The following C12orf42 variants were observed in gnomAD, a reference collection of about 807,000 sequenced individuals.
C12orf42 encodes chromosome 12 open reading frame 42.
A neutral mutation model predicts 21.6 loss-of-function variants in C12orf42; 25 were observed. The ratio of observed to expected loss-of-function variants is 1.16; its 90% CI spans 0.84 to 1.62. The LOEUF is 1.62. Among genes scored for constraint, C12orf42 ranks in the 40% most tolerant of loss-of-function variants. C12orf42 has a pLI of 0.00. For synonymous variants in C12orf42, 174 were observed against 175.0 expected, an observed-to-expected ratio of 0.99 and a Z score of 0.05; for missense variants, 483 against 459.3, an observed-to-expected ratio of 1.05 and a Z score of -0.47.
intron 4 of C12orf42, among the ~76,000 whole-genome samples, chr12:103,365,539 G>T (rs1460855191): frequency 1.3e-5 from 2 of 151,840 alleles, no homozygotes; most frequent in Non-Finnish European, 2.9e-5. Context: ...CAAACCTGTT[G>T]CTGTTTGCTG....
chr12:103,389,170 G>C (rs1294467800), intron 3 of C12orf42, among the ~76,000 whole-genome samples: 2 of 152,194 alleles, frequency 1.3e-5, no homozygotes, highest in African/African-American at 2.4e-5. Flanking sequence ...CACCAGAGGG[G>C]CCATAGCCTT....
chr12:103,462,811 A>G (rs1952826700), intron 2 of C12orf42, among the ~76,000 whole-genome samples: 1 of 151,996 alleles, frequency 6.6e-6, no homozygotes, highest in Non-Finnish European at 1.5e-5. Context: ...TACTCATTAA[A>G]CCCTATCTGT....
chr12:103,329,813 CCTTT>C (rs1296321600), intron 4 of C12orf42, among the ~76,000 whole-genome samples: 1 of 151,742 alleles, frequency 6.6e-6, no homozygotes, highest in Non-Finnish European at 1.5e-5. Context: ...CAGCTTTCCC[CCTTT>C]CTATTGCTAC....
At chr12:103,065,475 A>G in the C12orf42 span, among the ~76,000 whole-genome samples, 4 of 152,120 alleles carry the variant, frequency 2.6e-5, no homozygotes, top group Non-Finnish European at 4.4e-5. Context: ...GGGTATATCA[A>G]CTCCCTGGCT....
chr12:103,179,038 C>T, the C12orf42 span, among the ~76,000 whole-genome samples: 1 of 152,100 alleles, frequency 6.6e-6, no homozygotes, highest in Non-Finnish European at 1.5e-5. Context: ...AAGTAATTAC[C>T]CCATGGGTGG....
At chr12:103,153,695 T>C in the C12orf42 span, among the ~76,000 whole-genome samples, 1 of 152,122 alleles carries the variant, frequency 6.6e-6, no homozygotes, top group Non-Finnish European at 1.5e-5. Context: ...GAAACTCTAA[T>C]ACACTAATGG....
At chr12:103,382,399 G>T (rs1215371946) in intron 3 of C12orf42, among the ~76,000 whole-genome samples, 1 of 152,240 alleles carries the variant, frequency 6.6e-6, no homozygotes, top group South Asian at 2.1e-4. Context: ...TAAGGCAATA[G>T]TAGCAGAAGA....
chr12:103,469,292 A>C (rs1202054128), intron 2 of C12orf42, among the ~76,000 whole-genome samples: 7 of 152,254 alleles, frequency 4.6e-5, no homozygotes, highest in African/African-American at 1.7e-4. Context: ...TGATGTGTAA[A>C]AACATACATC....
At chr12:103,177,430 C>A in the C12orf42 span, among the ~76,000 whole-genome samples, 1 of 152,214 alleles carries the variant, frequency 6.6e-6, no homozygotes, top group Non-Finnish European at 1.5e-5. Flanking sequence ...ACTGCACTAC[C>A]CTTTCTGACT....
intron 4 of C12orf42, among the ~76,000 whole-genome samples, chr12:103,324,320 T>C (rs1452135785): frequency 6.6e-6 from 1 of 152,170 alleles, no homozygotes; most frequent in Non-Finnish European, 1.5e-5. Context: ...TTATGAGTAA[T>C]TTATCACTCT....
At position 103,345,455 on chromosome 12, in the gene C12orf42, G is replaced by A. The variant is rs563066667; in HGVS notation, c.259+23432C>T. Among the ~76,000 whole-genome samples, 5 of 152,198 alleles carry A rather than the reference G, an allele frequency of 3.3e-5. No homozygotes were observed. In the East Asian group the frequency reaches 9.6e-4, roughly 29 times the overall value. On this transcript the variant is annotated intron_variant, in intron 4 of 5. Transcript: ENST00000548883. ...TCATCATTATTATCATTATTCCAGT[G>A]CCATCCATTCACAGCACTTTTACCA...
rs889146741 is a variant in C12orf42, at chr12:103,384,122, A to T, written c.148-15124T>A. Among the ~76,000 whole-genome samples, 6 of 152,242 alleles carry T rather than the reference A, an allele frequency of 3.9e-5. No individual in the cohort carries two copies. In the East Asian group the frequency reaches 5.8e-4, roughly 15 times the overall value. On this transcript the variant is annotated intron_variant, in intron 3 of 5. Transcript: ENST00000548883. ...TGATCTTCCAATGACAACTTCAAAA[A>T]TTAATTTTACAAGTACATAATTTCT...
chr12:103,068,983 A>C, the C12orf42 span, among the ~76,000 whole-genome samples: 2 of 95,498 alleles, frequency 2.1e-5, no homozygotes, highest in African/African-American at 7.9e-5. Flanking sequence ...ATATATATAT[A>C]TATATATAAT....
chr12:103,139,574 T>G, the C12orf42 span, among the ~76,000 whole-genome samples: 1,713 of 151,874 alleles, frequency 0.011, 32 homozygotes, highest in African/African-American at 0.039. Context: ...CCAAAAAAAA[T>G]TATGACGTAT....
chr12:103,081,483 T>C, the C12orf42 span: 1 of 152,168 alleles, frequency 6.6e-6, no homozygotes, highest in South Asian at 2.1e-4. Flanking sequence ...CCCATATCTT[T>C]TATTTTCTTG....
At chr12:103,400,706 T>G (rs2047918536) in intron 3 of C12orf42, among the ~76,000 whole-genome samples, 1 of 152,226 alleles carries the variant, frequency 6.6e-6, no homozygotes, top group African/African-American at 2.4e-5. Context: ...ATTTCTACTC[T>G]TGAATCGTAT....
At chr12:103,367,303 G>A (rs1381676593) in intron 4 of C12orf42, among the ~76,000 whole-genome samples, 1 of 151,916 alleles carries the variant, frequency 6.6e-6, no homozygotes, top group Non-Finnish European at 1.5e-5. Context: ...GAAATAGTAG[G>A]AAGTGGATGA....
At position 103,357,768 on chromosome 12, in the gene C12orf42, T is replaced by C. The variant is rs957289544; in HGVS notation, c.259+11119A>G. ...ATTTGCTGTAGCATTCATTTACAAA[T>C]AAGGCCAAGTAACAACGTTATTCAT... On this transcript the variant is annotated intron_variant, in intron 4 of 5. Transcript: ENST00000548883. 5.3e-5 allele frequency among the ~76,000 whole-genome samples: 8 copies of C among 152,066 alleles called. No homozygotes were observed. The East Asian group carries it at 1.5e-3, about 29-fold the overall frequency.
At chr12:103,548,164 A>T in the C12orf42 span, among the ~76,000 whole-genome samples, 2 of 152,210 alleles carry the variant, frequency 1.3e-5, no homozygotes, top group East Asian at 3.8e-4. Flanking sequence ...GAGGAGCAAG[A>T]GCTCCCCAAC....
Sources: allele counts gnomAD v4.1 joint callset (sites outside exome capture counted in the v4.1 genomes callset), GRCh38; gene constraint gnomAD v4.1.1; transcripts MANE v1.5; gene names NCBI Gene and HGNC (gene_info 2026-07-23, HGNC 2026-07-21).